ELAVL4: variants seen among roughly 807,000 people sequenced by gnomAD.
ELAVL4 encodes the protein ELAV-like protein 4.
A neutral mutation model predicts 35.6 loss-of-function variants in ELAVL4; 1 was observed. The ratio of observed to expected loss-of-function variants is 0.03; its 90% CI spans 0.01 to 0.13. The LOEUF (loss-of-function observed/expected upper bound fraction) is 0.13. Among genes scored for constraint, ELAVL4 ranks in the 10% least tolerant of loss-of-function variants. ELAVL4 has a pLI of 1.00. For missense variants in ELAVL4, 267 were observed against 464.9 expected (o/e 0.57, Z 3.91); for synonymous variants, 156 against 171.0 (o/e 0.91, Z 0.69).
Position 50,195,025 on chromosome 1 carries a change from G to A in ELAVL4, c.509-536G>A, listed in dbSNP as rs138538091. Among the ~76,000 whole-genome samples, 260 of 151,450 alleles carry A rather than the reference G, an allele frequency of 1.7e-3. 3 individuals carry two copies. In the South Asian group the frequency reaches 0.017, roughly 10 times the overall value. On this transcript the variant is annotated intron_variant, in intron 4 of 6. Transcript: ENST00000371824. ...GCCAAGAAGTCTGGACTTTATCTGG[G>A]TGCAGAATGGAGCCATGGAAGGGTA... is the stretch of plus-strand genomic sequence containing the variant.
intron 2 of ELAVL4, among the ~76,000 whole-genome samples, chr1:50,156,840 G>A (rs1014226540): frequency 6.6e-6 from 1 of 152,188 alleles, no homozygotes; most frequent in East Asian, 1.9e-4. Context: ...TTCATCCTGA[G>A]TCATGAATGT....
intron 2 of ELAVL4, chr1:50,174,162 AT>A (rs1214849531): frequency 6.6e-6 from 1 of 152,200 alleles, no homozygotes; most frequent in Non-Finnish European, 1.5e-5. Context: ...TATTTTCTAC[AT>A]AGAGATTTAA....
intron 1 of ELAVL4, among the ~76,000 whole-genome samples, chr1:50,110,248 A>G (rs1006722798): frequency 6.6e-6 from 1 of 152,156 alleles, no homozygotes; most frequent in Non-Finnish European, 1.5e-5. Flanking sequence ...TTTTTTGACA[A>G]TCAATGTCAC....
intron 3 of ELAVL4, among the ~76,000 whole-genome samples, chr1:50,192,515 G>GCACGCA (rs1553190632): frequency 2.5e-5 from 2 of 80,246 alleles, no homozygotes; most frequent in Non-Finnish European, 5.2e-5. Flanking sequence ...GCTTTTGTGT[G>GCACGCA]CACGCACACA....
intron 1 of ELAVL4, among the ~76,000 whole-genome samples, chr1:50,082,004 T>C (rs1404148774): frequency 1.3e-5 from 2 of 152,216 alleles, no homozygotes; most frequent in African/African-American, 4.8e-5. Flanking sequence ...GCAAAGGACA[T>C]GAACTCGTCC....
intron 2 of ELAVL4, among the ~76,000 whole-genome samples, chr1:50,172,644 A>G (rs956750209): frequency 6.6e-6 from 1 of 152,166 alleles, no homozygotes; most frequent in Admixed American, 6.5e-5. Context: ...ACCAAGCCTA[A>G]ACTACTTACT....
intron 1 of ELAVL4, among the ~76,000 whole-genome samples, chr1:50,138,409 C>T (rs1672255643): frequency 6.6e-6 from 1 of 151,586 alleles, no homozygotes; most frequent in African/African-American, 2.4e-5. Context: ...AGGGCCAAAG[C>T]ATTCAATAGT....
At chr1:50,093,803 T>G (rs1057187728) in intron 1 of ELAVL4, among the ~76,000 whole-genome samples, 1 of 152,218 alleles carries the variant, frequency 6.6e-6, no homozygotes, top group African/African-American at 2.4e-5. Context: ...TAATTCAAAG[T>G]GATGATTGTA....
At chr1:50,159,806 G>C (rs527946513) in intron 2 of ELAVL4, among the ~76,000 whole-genome samples, 18 of 152,132 alleles carry the variant, frequency 1.2e-4, no homozygotes, top group Non-Finnish European at 2.5e-4. Flanking sequence ...TGGGAGACAA[G>C]GAGGCAGTTT....
At chr1:50,193,432 C>G (rs748447579) in intron 3 of ELAVL4, among the ~76,000 whole-genome samples, 8 of 151,132 alleles carry the variant, frequency 5.3e-5, no homozygotes, top group Non-Finnish European at 1.0e-4. Context: ...CATCTATACA[C>G]CCACTTCCAG....
chr1:50,178,904 T>C (rs1011498804), intron 3 of ELAVL4, among the ~76,000 whole-genome samples: 2 of 152,110 alleles, frequency 1.3e-5, no homozygotes, highest in Non-Finnish European at 2.9e-5. Context: ...CTTTACAGTT[T>C]TCTTGAAACC....
At chr1:50,118,878 G>A (rs957231105) in intron 1 of ELAVL4, among the ~76,000 whole-genome samples, 1 of 149,388 alleles carries the variant, frequency 6.7e-6, no homozygotes, top group Non-Finnish European at 1.5e-5. Flanking sequence ...CTTAAAGTAG[G>A]GGAAGGGGTT....
At chr1:50,056,929 C>CG (rs1663708057) in intron 1 of ELAVL4, among the ~76,000 whole-genome samples, 1 of 130,054 alleles carries the variant, frequency 7.7e-6, no homozygotes, top group Non-Finnish European at 1.6e-5. Context: ...AAGACTGTAT[C>CG]AAAAAAAAAA....
intron 2 of ELAVL4, among the ~76,000 whole-genome samples, chr1:50,148,381 CAT>C (rs1043372227): frequency 3.9e-5 from 6 of 152,272 alleles, no homozygotes; most frequent in African/African-American, 1.4e-4. Flanking sequence ...AAACAAGACT[CAT>C]GTGTATAAAG....
upstream of ELAVL4, among the ~76,000 whole-genome samples, chr1:50,101,292 G>T (rs901453384): frequency 9.9e-5 from 15 of 152,044 alleles, no homozygotes; most frequent in African/African-American, 3.6e-4. Flanking sequence ...TTTAAAAGAG[G>T]AAAAACGGGT....
intron 3 of ELAVL4, chr1:50,181,151 G>A (rs1680958883): frequency 6.6e-6 from 1 of 152,130 alleles, no homozygotes; most frequent in African/African-American, 2.4e-5. Context: ...TAACTCTCTG[G>A]CAGTAGGTCG....
chr1:50,130,779 G>A (rs533874216), intron 1 of ELAVL4, among the ~76,000 whole-genome samples: 1 of 152,192 alleles, frequency 6.6e-6, no homozygotes, highest in African/African-American at 2.4e-5. Flanking sequence ...ACTCATTAAT[G>A]TTAGGAAACT....
At chr1:50,139,104 C>T (rs1672387625) in intron 1 of ELAVL4, among the ~76,000 whole-genome samples, 1 of 152,044 alleles carries the variant, frequency 6.6e-6, no homozygotes, top group South Asian at 2.1e-4. Context: ...CTTACCTGTC[C>T]TGTTCTTTTG....
intron 2 of ELAVL4, among the ~76,000 whole-genome samples, chr1:50,166,981 G>T (rs946035326): frequency 2.0e-5 from 3 of 152,156 alleles, no homozygotes; most frequent in African/African-American, 7.2e-5. Context: ...ACGTGGTGTT[G>T]CAGGAACAGG....
Sources: gnomAD v4.1 joint callset for allele counts (sites outside exome capture counted in the v4.1 genomes callset) on GRCh38, gnomAD v4.1.1 for gene constraint, MANE v1.5 for transcripts, NCBI Gene and HGNC (gene_info 2026-07-23, HGNC 2026-07-21) for gene names.